Variants in SMAD5 observed in about 807,000 individuals in gnomAD.
The protein encoded by SMAD5 is MAD, mothers against decapentaplegic homolog 5.
Under a neutral mutation model 43.1 loss-of-function variants are expected in SMAD5, and 9 were observed. The ratio of observed to expected loss-of-function variants is 0.21; its 90% CI spans 0.13 to 0.36. SMAD5 has a LOEUF of 0.36. SMAD5 is among the 10% of genes least tolerant of loss of function. The probability of loss-of-function intolerance (pLI) is 1.00; values close to 1 mark genes in which losing one functional copy is unlikely to be tolerated. For synonymous variants in SMAD5, 190 were observed against 192.4 expected, an observed-to-expected ratio of 0.99 and a Z score of 0.10; for missense variants, 348 against 574.0, an observed-to-expected ratio of 0.61 and a Z score of 4.02.
intron 1 of SMAD5, chr5:136,134,630 C>G (rs1346687474): frequency 6.6e-6 from 1 of 152,056 alleles, no homozygotes; most frequent in African/African-American, 2.4e-5. Context: ...ATTTTTTTCT[C>G]TACAGTGAAA....
intron 1 of SMAD5, among the ~76,000 whole-genome samples, chr5:136,139,477 T>C (rs572564200): frequency 5.3e-5 from 8 of 152,264 alleles, no homozygotes; most frequent in African/African-American, 1.9e-4. Flanking sequence ...CTTGGAATCA[T>C]TGTTAACTCC....
chr5:136,150,309 A>G (rs1753412286), intron 2 of SMAD5, among the ~76,000 whole-genome samples: 1 of 151,890 alleles, frequency 6.6e-6, no homozygotes, highest in African/African-American at 2.4e-5. Flanking sequence ...TTCTGTGGGT[A>G]GAATTCTCAT....
chr5:136,160,751 A>G (rs1034560606), intron 3 of SMAD5, 105 bp from the exon 4 acceptor site: 1 of 1,093,236 alleles, frequency 9.1e-7, no homozygotes, highest in Non-Finnish European at 1.3e-6. Flanking sequence ...AAATTGTTTT[A>G]ATAGGTTTAC....
intron 2 of SMAD5, among the ~76,000 whole-genome samples, chr5:136,150,242 T>C (rs1353767843): frequency 2.0e-5 from 3 of 151,882 alleles, no homozygotes; most frequent in Non-Finnish European, 4.4e-5. Flanking sequence ...CATGACCTTT[T>C]CCCAGTGGAG....
Position 136,150,662 on chromosome 5 carries a change from AG to A in SMAD5, c.-170+2760del, listed in dbSNP as rs1275281075. Among the ~76,000 whole-genome samples, 4 of 152,102 alleles carry A rather than the reference AG, an allele frequency of 2.6e-5. No individual in the cohort carries two copies. The East Asian group carries it at 7.7e-4, about 29-fold the overall frequency. ...TCTCTTGGAAGACACAGATGGGCAG[AG>A]GGGCAGGGATTTGGATTGGATCAGA... On this transcript the variant is annotated intron_variant, in intron 2 of 7. Coordinates refer to ENST00000545279, the MANE Select transcript of SMAD5 (RefSeq NM_005903.7).
rs1754513420 is a variant in SMAD5, at chr5:136,178,672, A to G, written c.*1192A>G. 1 of 152,136 alleles carries G rather than the reference A, an allele frequency of 6.6e-6. No homozygotes were observed. Among genetic ancestry groups the G allele is most frequent in the South Asian group, 2.1e-4 (1 of 4,824 alleles). 9.4% of individuals were successfully genotyped at this position (152,136 alleles called of 1,614,324 possible). On this transcript the variant is annotated 3_prime_UTR_variant, in exon 8 of 8. Transcript: ENST00000545279. ...CCCTACGCAAGGACCTATGCACTGGAGCCGTAGGAGGCTCTTCAGTTGGGC... is the reference window on the plus strand; with the variant it reads ...CCCTACGCAAGGACCTATGCACTGGGGCCGTAGGAGGCTCTTCAGTTGGGC...
chr5:136,137,192 T>C (rs940303359), intron 1 of SMAD5, among the ~76,000 whole-genome samples: 8 of 151,888 alleles, frequency 5.3e-5, no homozygotes, highest in African/African-American at 1.9e-4. Context: ...TGTGCAATAC[T>C]ATAATTGTAA....
chr5:136,149,992 T>C (rs1234888279), intron 2 of SMAD5, among the ~76,000 whole-genome samples: 1 of 151,902 alleles, frequency 6.6e-6, no homozygotes, highest in Non-Finnish European at 1.5e-5. Flanking sequence ...TTACATTCTC[T>C]TTAAACTCTC....
chr5:136,141,919 A>G lies in SMAD5; in HGVS notation c.-244-5913A>G, dbSNP rs555985202. ...CCTCTCTTTAGTAAGGGTTCATAAT[A>G]TGGCTGAGGTATAGCTGCACTTTAA... On this transcript the variant is annotated intron_variant, in intron 1 of 7. Coordinates refer to ENST00000545279, the MANE Select transcript of SMAD5 (RefSeq NM_005903.7). 1.5e-3 allele frequency among the ~76,000 whole-genome samples: 222 copies of G among 152,268 alleles called. 2 individuals carry two copies. The highest frequency in any genetic ancestry group is 5.2e-3 in the African/African-American group (214 of 41,528).
chr5:136,162,736 C>T (rs1753866057), intron 4 of SMAD5, among the ~76,000 whole-genome samples: 1 of 152,132 alleles, frequency 6.6e-6, no homozygotes, highest in Non-Finnish European at 1.5e-5. Context: ...AATTACCTAA[C>T]CATTTAATAG....
chr5:136,136,579 T>C (rs570488435), intron 1 of SMAD5, among the ~76,000 whole-genome samples: 1 of 152,234 alleles, frequency 6.6e-6, no homozygotes, highest in African/African-American at 2.4e-5. Flanking sequence ...TGTTAAAAAC[T>C]AGATTGTTGT....
chr5:136,148,057 G>A (rs573492445), intron 2 of SMAD5, among the ~76,000 whole-genome samples, 151 bp downstream of exon 2: 4 of 151,756 alleles, frequency 2.6e-5, no homozygotes, highest in African/African-American at 9.6e-5. Context: ...GTGAGTAAAA[G>A]GTCTGATTTT....
rs780817059 is a variant in SMAD5 at position 136,163,255 on chromosome 5, A to T, written c.656-17A>T. On this transcript the variant is annotated splice_polypyrimidine_tract_variant and intron_variant, in intron 4 of 7. Coordinates refer to ENST00000545279, the MANE Select transcript of SMAD5 (RefSeq NM_005903.7). ...GAGCAGAATGAAGATTTTAATTATT[A>T]TTTTTTTTCCTCTTAGCTGATACGC... 17 of 1,582,466 alleles carry T rather than the reference A, an allele frequency of 1.1e-5. No homozygotes were observed. The highest frequency in any genetic ancestry group is 1.4e-5 in the African/African-American group (1 of 72,874).
chr5:136,138,851 AG>A (rs1752974456), intron 1 of SMAD5, among the ~76,000 whole-genome samples: 1 of 152,136 alleles, frequency 6.6e-6, no homozygotes, highest in Non-Finnish European at 1.5e-5. Flanking sequence ...CTGAATTTTG[AG>A]GGATGGTTCT....
intron 7 of SMAD5, among the ~76,000 whole-genome samples, chr5:136,175,986 T>C (rs558241667): frequency 6.6e-6 from 1 of 152,294 alleles, no homozygotes; most frequent in East Asian, 1.9e-4. Context: ...ATTTCAATTT[T>C]TATCTGCAGT....
At chr5:136,143,558 A>ACTAG (rs1265049211) in intron 1 of SMAD5, among the ~76,000 whole-genome samples, 6 of 151,838 alleles carry the variant, frequency 4.0e-5, no homozygotes, top group Admixed American at 1.3e-4. Context: ...TCACAGTCAG[A>ACTAG]CTAGCTGATT....
intron 5 of SMAD5, among the ~76,000 whole-genome samples, chr5:136,163,996 A>G (rs1282079402): frequency 6.6e-6 from 1 of 152,170 alleles, no homozygotes; most frequent in Non-Finnish European, 1.5e-5. Flanking sequence ...CAGCCTGGCC[A>G]ATATGGTGAA....
chr5:136,140,039 T>A (rs1753020668), intron 1 of SMAD5, among the ~76,000 whole-genome samples: 1 of 151,174 alleles, frequency 6.6e-6, no homozygotes, highest in African/African-American at 2.4e-5. Flanking sequence ...TTTTTTTTTT[T>A]TGAGATGAAG....
intron 1 of SMAD5, chr5:136,147,328 A>G (rs762700634): frequency 3.3e-5 from 5 of 151,866 alleles, no homozygotes; most frequent in African/African-American, 4.8e-5. Flanking sequence ...ACATACGTTA[A>G]GTGGTATAAA....
Sources: gnomAD v4.1 joint callset for allele counts (sites outside exome capture counted in the v4.1 genomes callset) on GRCh38, gnomAD v4.1.1 for gene constraint, MANE v1.5 for transcripts, NCBI Gene and HGNC (gene_info 2026-07-23, HGNC 2026-07-21) for gene names.